Variants in DNAH14 observed in about 807,000 individuals in gnomAD.
The protein encoded by DNAH14 is dynein axonemal heavy chain 14.
Under a neutral mutation model 520.9 loss-of-function variants are expected in DNAH14, and 478 were observed. The observed-to-expected ratio is 0.92, with a 90% confidence interval of 0.85 to 0.99. The LOEUF is 0.99. Ranked by LOEUF, DNAH14 falls within the 50% of genes least tolerant of loss-of-function variation. The probability of loss-of-function intolerance (pLI) is 0.00; values close to 1 mark genes in which losing one functional copy is unlikely to be tolerated. For synonymous variants in DNAH14, 1,581 were observed against 1,757.2 expected, an observed-to-expected ratio of 0.90 and a Z score of 2.51; for missense variants, 4,831 against 5,234.5, an observed-to-expected ratio of 0.92 and a Z score of 2.38.
chr1:224,937,773 G>A (rs2059135356), intron 1 of DNAH14, among the ~76,000 whole-genome samples: 1 of 152,022 alleles, frequency 6.6e-6, no homozygotes, highest in Non-Finnish European at 1.5e-5. Flanking sequence ...CAAAGCTAGA[G>A]ACATCACACT....
rs200949574 is a variant in DNAH14 at position 225,144,345 on chromosome 1, A to G, written c.4509-52A>G. The stretch of plus-strand genomic sequence containing the variant: ...TGATTCTTTTTCTGCATGTGAAAAT[A>G]CATAAAAATAATTTAACCAAATAAT... On this transcript the variant is annotated intron_variant, in intron 28 of 85. Transcript: ENST00000682510. The G allele has an allele frequency of 9.0e-4, 1,181 of 1,308,124 alleles. 3 individuals carry two copies. The Middle Eastern group carries it at 0.019, about 21-fold the overall frequency. 81.0% of individuals were successfully genotyped at this position (1,308,124 alleles called of 1,614,324 possible).
At chr1:225,043,700 C>T in intron 13 of DNAH14, 44 bp from the exon 14 acceptor site, 1 of 1,318,286 alleles carries the variant, frequency 7.6e-7, no homozygotes, top group South Asian at 1.3e-5. Context: ...ATATAAATAT[C>T]AATCAATTTT....
At chr1:224,999,330 C>T (rs1236696832) in intron 8 of DNAH14, among the ~76,000 whole-genome samples, 1 of 152,098 alleles carries the variant, frequency 6.6e-6, no homozygotes, top group Non-Finnish European at 1.5e-5. Flanking sequence ...CCTCAGCCTC[C>T]CAAGTAGCTG....
chr1:225,057,139 C>T (rs536470218), intron 17 of DNAH14, among the ~76,000 whole-genome samples: 10 of 152,318 alleles, frequency 6.6e-5, no homozygotes, highest in African/African-American at 1.7e-4. Flanking sequence ...CCCATTTGCA[C>T]GATATTGATT....
intron 31 of DNAH14, among the ~76,000 whole-genome samples, chr1:225,148,427 A>T (rs1411811142): frequency 8.2e-5 from 8 of 97,356 alleles, no homozygotes; most frequent in Non-Finnish European, 3.6e-5. Flanking sequence ...TTTGAGTCGG[A>T]GTCTCACTCT....
intron 27 of DNAH14, among the ~76,000 whole-genome samples, chr1:225,129,060 A>G (rs1009121209): frequency 1.7e-3 from 255 of 152,220 alleles, no homozygotes; most frequent in African/African-American, 5.8e-3. Flanking sequence ...GTGAACTCCC[A>G]TTCACAATTG....
At chr1:225,361,771 A>G (rs2095494778) in intron 75 of DNAH14, among the ~76,000 whole-genome samples, 1 of 152,118 alleles carries the variant, frequency 6.6e-6, no homozygotes, top group African/African-American at 2.4e-5. Context: ...TATAGTCCCA[A>G]TGCTTTGGGG....
At chr1:225,218,831 T>G (rs2089726299) in intron 41 of DNAH14, among the ~76,000 whole-genome samples, 1 of 152,166 alleles carries the variant, frequency 6.6e-6, no homozygotes, top group Non-Finnish European at 1.5e-5. Context: ...TACAGAACTC[T>G]CCACCCTAAA....
intron 11 of DNAH14, among the ~76,000 whole-genome samples, chr1:225,036,941 C>T (rs1230539296): frequency 2.0e-5 from 3 of 152,004 alleles, no homozygotes; most frequent in African/African-American, 7.2e-5. Flanking sequence ...GTGTTCTATC[C>T]TCTTGCTGAA....
chr1:225,244,746 C>T (rs1346800063), intron 43 of DNAH14, among the ~76,000 whole-genome samples: 1 of 151,984 alleles, frequency 6.6e-6, no homozygotes, highest in African/African-American at 2.4e-5. Flanking sequence ...CTATTGTCTT[C>T]TTTATTAGTC....
chr1:225,125,300 T>C (rs2077628289), intron 27 of DNAH14, among the ~76,000 whole-genome samples: 1 of 152,202 alleles, frequency 6.6e-6, no homozygotes, highest in Non-Finnish European at 1.5e-5. Context: ...AGGTATTGAC[T>C]TCTCTCCAAC....
chr1:224,968,177 A>G (rs571365341), intron 6 of DNAH14, among the ~76,000 whole-genome samples: 2 of 152,118 alleles, frequency 1.3e-5, no homozygotes, highest in Non-Finnish European at 2.9e-5. Context: ...ATCAAGTGAG[A>G]ATGGAGGAAA....
chr1:225,263,244 A>G lies in DNAH14; in HGVS notation c.7158-953A>G, dbSNP rs548350163. Among the ~76,000 whole-genome samples the G allele has an allele frequency of 2.9e-4, 44 of 150,090 alleles. No individual in the cohort carries two copies. The East Asian group carries it at 5.6e-3, about 19-fold the overall frequency. ...CATGTATATATACATATATATACAC[A>G]TATATATACATGTATATATATAATA... is the stretch of plus-strand genomic sequence containing the variant. On this transcript the variant is annotated intron_variant, in intron 46 of 85. Coordinates refer to ENST00000682510, the MANE Select transcript of DNAH14 (RefSeq NM_001367479.1).
At chr1:225,293,590 T>C (rs1167858626) in intron 55 of DNAH14, among the ~76,000 whole-genome samples, 1 of 152,138 alleles carries the variant, frequency 6.6e-6, no homozygotes, top group Non-Finnish European at 1.5e-5. Context: ...CTAAATGTTT[T>C]CACTTATAAG....
chr1:225,336,564 A>T (rs1023057004), intron 66 of DNAH14, among the ~76,000 whole-genome samples: 2 of 152,200 alleles, frequency 1.3e-5, no homozygotes, highest in African/African-American at 4.8e-5. Context: ...AAGCACACAA[A>T]AATCAGTAAG....
At chr1:225,349,615 C>T (rs142098391) in intron 71 of DNAH14, among the ~76,000 whole-genome samples, 2 of 152,172 alleles carry the variant, frequency 1.3e-5, no homozygotes, top group Non-Finnish European at 2.9e-5. Context: ...AAAAATATTC[C>T]ATGCAAGTGG....
rs2091068477 is a variant in DNAH14, at chr1:225,231,170, G to A, written c.6518+19G>A. 2 of 1,517,150 alleles carry A rather than the reference G, an allele frequency of 1.3e-6. No individual in the cohort carries two copies. The highest frequency in any genetic ancestry group is 1.4e-5 in the African/African-American group (1 of 71,684). 94.0% of individuals were successfully genotyped at this position (1,517,150 alleles called of 1,614,324 possible). On this transcript the variant is annotated intron_variant, in intron 42 of 85. Coordinates refer to ENST00000682510, the MANE Select transcript of DNAH14 (RefSeq NM_001367479.1). ...AAAAGAGGTCAGTTACATTCCTTCAGAAAACATGTTTTAATAACCATTAGG... is the reference window on the plus strand; with the variant it reads ...AAAAGAGGTCAGTTACATTCCTTCAAAAAACATGTTTTAATAACCATTAGG...
At chr1:225,044,405 C>T (rs895037980) in intron 15 of DNAH14, among the ~76,000 whole-genome samples, 10 of 152,114 alleles carry the variant, frequency 6.6e-5, no homozygotes, top group African/African-American at 2.4e-4. Flanking sequence ...ATTCTTTTCT[C>T]ACAATAAGTT....
rs982503370 is a variant in DNAH14 at position 225,289,965 on chromosome 1, T to C, written c.8352T>C (p.Pro2784=). The C allele has an allele frequency of 1.4e-5, 21 of 1,542,388 alleles. No homozygotes were observed. Among genetic ancestry groups the C allele is most frequent in the Admixed American group, 4.0e-5 (2 of 49,650 alleles). ...YLTDNKLYRV[P]ISHKCAYIEF... is the part of the protein sequence containing the mutation. The stretch of plus-strand genomic sequence containing the variant: ...CAGATAATAAACTATACCGAGTGCC[T>C]ATATCTCACAAATGTGCCTACATCG... The change falls in exon 55 of 86, where the codon CCT becomes CCC. Residue 2784 remains proline, a synonymous_variant. Transcript: ENST00000682510.
Sources: gnomAD v4.1 joint callset for allele counts (sites outside exome capture counted in the v4.1 genomes callset) on GRCh38, gnomAD v4.1.1 for gene constraint, MANE v1.5 for transcripts, NCBI Gene and HGNC (gene_info 2026-07-23, HGNC 2026-07-21) for gene names.